VWDE: variants seen among roughly 807,000 people sequenced by gnomAD.
VWDE encodes von Willebrand factor D and EGF domains.
In VWDE, 207 loss-of-function variants were observed where a neutral mutation model predicts 178.4. The ratio of observed to expected loss-of-function variants is 1.16; its 90% CI spans 1.04 to 1.30. The LOEUF is 1.30. VWDE is among the 50% of genes most tolerant of loss of function. The pLI, the probability that VWDE is intolerant of heterozygous loss-of-function variation, is 0.00. For synonymous variants in VWDE, 738 were observed against 651.4 expected (o/e 1.13, Z -2.02); for missense variants, 2,287 against 1,901.3 (o/e 1.20, Z -3.77).
intron 7 of VWDE, among the ~76,000 whole-genome samples, chr7:12,376,956 G>A (rs548965099): frequency 3.3e-5 from 5 of 151,550 alleles, no homozygotes; most frequent in African/African-American, 9.7e-5. Flanking sequence ...TTATAATATG[G>A]ACATGAAGGT....
rs750588329 is a variant in VWDE, at chr7:12,373,229, C to T, written c.1335G>A (p.Lys445=). The change falls in exon 10 of 29, where the codon AAG becomes AAA. Residue 445 remains lysine, a synonymous_variant. Coordinates refer to ENST00000275358, the MANE Select transcript of VWDE (RefSeq NM_001135924.3). ...TFDGRVYDNF[K]TGTFVLYKSM... is the part of the protein sequence containing the mutation. Reference sequence around the variant, plus strand: ...TCTTATAAAGCACAAATGTTCCAGTCTTGAAATTATCATATACCCTATCAT... The same window carrying T: ...TCTTATAAAGCACAAATGTTCCAGTTTTGAAATTATCATATACCCTATCAT... The T allele has an allele frequency of 7.1e-6, 11 of 1,550,922 alleles. No homozygotes were observed. The South Asian group carries it at 1.1e-4, about 15-fold the overall frequency.
At chr7:12,346,617 G>A (rs1240857211) in intron 19 of VWDE, among the ~76,000 whole-genome samples, 1 of 151,344 alleles carries the variant, frequency 6.6e-6, no homozygotes, top group Non-Finnish European at 1.5e-5. Flanking sequence ...TCTTTTTGGC[G>A]GGGGCGGGGG....
At chr7:12,387,694 G>A (rs1396975275) in intron 3 of VWDE, among the ~76,000 whole-genome samples, 1 of 151,968 alleles carries the variant, frequency 6.6e-6, no homozygotes, top group Admixed American at 6.6e-5. Flanking sequence ...GTGATTTGGG[G>A]TCGGCTAGCT....
Position 12,330,895 on chromosome 7 carries a change from G to C in VWDE, c.*288C>G, listed in dbSNP as rs867347805. ...CAGACATAGTCACAGTTAGGGCTGA[G>C]AAAATATTCAGTTTATTAAATATTG... On this transcript the variant is annotated 3_prime_UTR_variant, in exon 29 of 29. Coordinates refer to ENST00000275358, the MANE Select transcript of VWDE (RefSeq NM_001135924.3). 9.6e-6 allele frequency: 3 copies of C among 311,648 alleles called. No individual in the cohort carries two copies. The highest frequency in any genetic ancestry group is 6.6e-5 in the African/African-American group (3 of 45,206). 19.3% of individuals were successfully genotyped at this position (311,648 alleles called of 1,614,324 possible).
chr7:12,353,232 C>G (rs1318267469), intron 18 of VWDE, among the ~76,000 whole-genome samples: 1 of 152,174 alleles, frequency 6.6e-6, no homozygotes, highest in East Asian at 1.9e-4. Context: ...GGTGAGGGCT[C>G]TCTTCCTGGC....
chr7:12,370,617 A>T, intron 11 of VWDE, 39 bp downstream of exon 11: 1 of 1,543,126 alleles, frequency 6.5e-7, no homozygotes, highest in Non-Finnish European at 8.8e-7. Context: ...TTTTAAGTCT[A>T]ATATTAATAT....
At position 12,393,695 on chromosome 7, in the gene VWDE, A is replaced by T; in HGVS notation, c.142T>A (p.Ser48Thr). The change falls in exon 2 of 29, where the codon TCA becomes ACA. Residue 48 changes from serine (S) to threonine (T), a missense_variant. Transcript: ENST00000275358. ...TCACATATTAGGTCTTGAACAGCTG[A>T]CTGCTGGAGGTGCCATGAGTCAAAA... ...VRFDSWHLQQ[S>T]AVQDLICDHS... is the part of the protein sequence containing the mutation. 6.4e-7 allele frequency: 1 copy of T among 1,551,266 alleles called. No homozygotes were observed. The highest frequency in any genetic ancestry group is 8.7e-7 in the Non-Finnish European group (1 of 1,146,690).
At chr7:12,385,653 A>C (rs893189294) in intron 3 of VWDE, among the ~76,000 whole-genome samples, 5 of 152,194 alleles carry the variant, frequency 3.3e-5, no homozygotes, top group African/African-American at 1.2e-4. Context: ...CAGTAAGAAA[A>C]AGAAACTCTT....
At position 12,374,677 on chromosome 7, in the gene VWDE, T is replaced by A. The variant is rs574775709; in HGVS notation, c.1316+12A>T. The A allele has an allele frequency of 2.0e-4, 302 of 1,515,986 alleles. 3 individuals carry two copies. In the African/African-American group the frequency reaches 3.6e-3, roughly 18 times the overall value. 93.9% of individuals were successfully genotyped at this position (1,515,986 alleles called of 1,614,324 possible). ...ACAAAACTACTAAAAGAAGAAACTTTCAGAAAATTACCTGCCATCAAATGT... is the reference window on the plus strand; with the variant it reads ...ACAAAACTACTAAAAGAAGAAACTTACAGAAAATTACCTGCCATCAAATGT... On this transcript the variant is annotated intron_variant, in intron 9 of 28. Coordinates refer to ENST00000275358, the MANE Select transcript of VWDE (RefSeq NM_001135924.3).
intron 10 of VWDE, among the ~76,000 whole-genome samples, chr7:12,372,730 G>A (rs1783274494): frequency 6.6e-6 from 1 of 152,010 alleles, no homozygotes; most frequent in African/African-American, 2.4e-5. Context: ...TAATTTTAAT[G>A]AATAATCCAC....
In VWDE at chr7:12,390,968, A is replaced by T. The variant is rs561350058; in HGVS notation, c.244-1610T>A. 6.4e-3 allele frequency among the ~76,000 whole-genome samples: 976 copies of T among 152,326 alleles called. 12 individuals carry two copies. The highest frequency in any genetic ancestry group is 0.022 in the African/African-American group (902 of 41,602). ...ATTGCAGAATTACTTATTATAGCAA[A>T]ATCCTGAATGTCCACACATATGGTG... is the stretch of plus-strand genomic sequence containing the variant. On this transcript the variant is annotated intron_variant, in intron 2 of 28. Transcript: ENST00000275358.
intron 13 of VWDE, among the ~76,000 whole-genome samples, chr7:12,366,727 G>C (rs1284778161): frequency 1.3e-5 from 2 of 151,994 alleles, no homozygotes; most frequent in African/African-American, 2.4e-5. Flanking sequence ...GCTGTCTTAA[G>C]TTTTCAGCTT....
intron 1 of VWDE, among the ~76,000 whole-genome samples, chr7:12,398,015 A>T (rs1784707543): frequency 6.6e-6 from 1 of 152,216 alleles, no homozygotes; most frequent in Admixed American, 6.5e-5. Context: ...TTTCTCAAAG[A>T]ACTGAAAAAA....
intron 1 of VWDE, among the ~76,000 whole-genome samples, chr7:12,394,119 G>C (rs1007124986): frequency 5.9e-5 from 9 of 152,098 alleles, no homozygotes; most frequent in Admixed American, 3.3e-4. Flanking sequence ...GATTTCTCTT[G>C]GGCCTGGTCC....
At chr7:12,383,052 C>G (rs947272194) in intron 4 of VWDE, among the ~76,000 whole-genome samples, 2 of 150,690 alleles carry the variant, frequency 1.3e-5, no homozygotes, top group East Asian at 1.9e-4. Flanking sequence ...GTATAATGTA[C>G]TTCTATACTT....
At chr7:12,339,611 C>T (rs1431888672) in intron 24 of VWDE, among the ~76,000 whole-genome samples, 1 of 151,974 alleles carries the variant, frequency 6.6e-6, no homozygotes, top group Non-Finnish European at 1.5e-5. Flanking sequence ...CAAAGTGCAT[C>T]GTGGCAAGGA....
chr7:12,371,816 T>C (rs1042806022), intron 10 of VWDE, among the ~76,000 whole-genome samples: 31 of 152,240 alleles, frequency 2.0e-4, no homozygotes, highest in African/African-American at 7.5e-4. Context: ...ATGACATCAT[T>C]ATATTTAGAG....
chr7:12,401,624 C>T lies in VWDE; in HGVS notation c.58+2035G>A, dbSNP rs375003606. 7.9e-5 allele frequency among the ~76,000 whole-genome samples: 12 copies of T among 152,142 alleles called. No individual in the cohort carries two copies. The East Asian group carries it at 1.2e-3, about 15-fold the overall frequency. On this transcript the variant is annotated intron_variant, in intron 1 of 28. Transcript: ENST00000275358. ...TCACAACCACGAGGATAGGTAGAATCCAAATCTCAGTTAATAAAAAGTGTT... is the reference window on the plus strand; with the variant it reads ...TCACAACCACGAGGATAGGTAGAATTCAAATCTCAGTTAATAAAAAGTGTT...
intron 7 of VWDE, 142 bp downstream of exon 7, chr7:12,377,634 A>C: frequency 2.2e-6 from 1 of 444,686 alleles, no homozygotes; most frequent in Non-Finnish European, 3.8e-6. Context: ...GCCGAGTATT[A>C]GTAATATGAT....
Sources: allele counts gnomAD v4.1 joint callset (sites outside exome capture counted in the v4.1 genomes callset), GRCh38; gene constraint gnomAD v4.1.1; transcripts MANE v1.5; gene names NCBI Gene and HGNC (gene_info 2026-07-23, HGNC 2026-07-21).